SEMA6D: variants seen among roughly 807,000 people sequenced by gnomAD.
SEMA6D encodes semaphorin-6D.
SEMA6D carries 35 observed loss-of-function variants against 106.6 expected under a neutral mutation model. That is an observed-to-expected ratio of 0.33 (90% CI 0.25 to 0.44). The LOEUF (loss-of-function observed/expected upper bound fraction) is 0.44. Among genes scored for constraint, SEMA6D ranks in the 20% least tolerant of loss-of-function variants. SEMA6D has a pLI of 1.00. For missense variants in SEMA6D, 1,185 were observed against 1,345.9 expected, an observed-to-expected ratio of 0.88 and a Z score of 1.87; for synonymous variants, 499 against 487.7, an observed-to-expected ratio of 1.02 and a Z score of -0.31.
At chr15:47,508,474 T>G (rs1013539936) in intron 3 of SEMA6D, among the ~76,000 whole-genome samples, 2 of 152,194 alleles carry the variant, frequency 1.3e-5, no homozygotes, top group African/African-American at 4.8e-5. Flanking sequence ...CTGAAAACCC[T>G]GTGTCCTGCC....
upstream of SEMA6D, chr15:47,717,476 C>T (rs182989013): frequency 4.6e-4 from 71 of 152,692 alleles, no homozygotes; most frequent in Non-Finnish European, 9.4e-4. Flanking sequence ...CACCATTTGC[C>T]GTGCATCGGT....
chr15:47,218,947 T>A (rs2030934183), intron 1 of SEMA6D, among the ~76,000 whole-genome samples: 1 of 152,240 alleles, frequency 6.6e-6, no homozygotes, highest in Admixed American at 6.5e-5. Context: ...ATGTTTCTTC[T>A]GTCGATTGCT....
At chr15:47,666,547 C>G (rs2078029645) in intron 4 of SEMA6D, among the ~76,000 whole-genome samples, 1 of 152,114 alleles carries the variant, frequency 6.6e-6, no homozygotes, top group African/African-American at 2.4e-5. Context: ...TTTCTGAAAC[C>G]AGAGCTGTGT....
At chr15:47,429,229 A>G (rs974633832) in intron 2 of SEMA6D, among the ~76,000 whole-genome samples, 4 of 151,844 alleles carry the variant, frequency 2.6e-5, no homozygotes, top group Non-Finnish European at 5.9e-5. Flanking sequence ...AGGCTGGCCA[A>G]CTCCTGGCTC....
At chr15:47,640,082 G>A (rs2077461665) in intron 4 of SEMA6D, among the ~76,000 whole-genome samples, 1 of 152,168 alleles carries the variant, frequency 6.6e-6, no homozygotes. Context: ...ACTGAATGCA[G>A]GGGTATTTGG....
At chr15:47,290,629 TAC>T (rs5812371) in intron 1 of SEMA6D, among the ~76,000 whole-genome samples, 147,141 of 150,872 alleles carry the variant, frequency 0.98, 71,817 homozygotes, top group Non-Finnish European at 1. Flanking sequence ...TATATATATA[TAC>T]ACACACACAC....
chr15:47,227,014 A>C (rs566125344), intron 1 of SEMA6D, among the ~76,000 whole-genome samples: 1 of 152,168 alleles, frequency 6.6e-6, no homozygotes, highest in South Asian at 2.1e-4. Flanking sequence ...TTTTCCTCCA[A>C]GCTCCTCCTG....
At chr15:47,347,993 C>T (rs1195875693) in intron 1 of SEMA6D, among the ~76,000 whole-genome samples, 1 of 152,130 alleles carries the variant, frequency 6.6e-6, no homozygotes, top group East Asian at 1.9e-4. Context: ...TGGAAGTCTC[C>T]ACTCTTTGCC....
At chr15:47,721,373 C>G (rs1207855640) in intron 1 of SEMA6D, among the ~76,000 whole-genome samples, 1 of 152,124 alleles carries the variant, frequency 6.6e-6, no homozygotes, top group Non-Finnish European at 1.5e-5. Context: ...AGTGAGAGAT[C>G]TCACTTTCTG....
Position 47,742,887 on chromosome 15 carries a change from C to T in SEMA6D, c.-54-16858C>T, listed in dbSNP as rs538721971. On this transcript the variant is annotated intron_variant, in intron 1 of 18. Coordinates refer to ENST00000536845, the MANE Select transcript of SEMA6D (RefSeq NM_001358351.3). ...TCTTTTTTGTCAAAGAGCTGCAGGT[C>T]TCTATAGTGAGAGTAGGTGGGGAAA... 1.1e-4 allele frequency among the ~76,000 whole-genome samples: 16 copies of T among 152,328 alleles called. 1 individual carries two copies. In the South Asian group the frequency reaches 3.3e-3, roughly 32 times the overall value.
chr15:47,672,097 A>G (rs1243965894), intron 4 of SEMA6D, among the ~76,000 whole-genome samples: 1 of 152,184 alleles, frequency 6.6e-6, no homozygotes, highest in East Asian at 1.9e-4. Flanking sequence ...TTCTTATAAT[A>G]TCCCTTTGTG....
At chr15:47,710,390 A>G (rs1321148298) in intron 4 of SEMA6D, among the ~76,000 whole-genome samples, 2 of 152,222 alleles carry the variant, frequency 1.3e-5, no homozygotes, top group African/African-American at 4.8e-5. Context: ...AGTGGGTATT[A>G]TTCATTAGCA....
At chr15:47,336,929 G>A (rs936994696) in intron 1 of SEMA6D, among the ~76,000 whole-genome samples, 1 of 152,124 alleles carries the variant, frequency 6.6e-6, no homozygotes, top group African/African-American at 2.4e-5. Flanking sequence ...CAGTGGGTTG[G>A]ACTGCATCCT....
intron 1 of SEMA6D, among the ~76,000 whole-genome samples, chr15:47,201,808 C>A (rs1238514565): frequency 6.6e-6 from 1 of 152,148 alleles, no homozygotes; most frequent in African/African-American, 2.4e-5. Context: ...GTTGGTCAGA[C>A]CACCAGTTGG....
chr15:47,763,637 G>C (rs2147785225), intron 9 of SEMA6D, among the ~76,000 whole-genome samples: 2 of 152,298 alleles, frequency 1.3e-5, no homozygotes, highest in South Asian at 4.1e-4. Context: ...TCTTGGGAAG[G>C]ATGCTTAGCA....
At chr15:47,756,378 A>G (rs2081740703) in intron 1 of SEMA6D, among the ~76,000 whole-genome samples, 1 of 152,166 alleles carries the variant, frequency 6.6e-6, no homozygotes, top group Admixed American at 6.5e-5. Flanking sequence ...CGTAACCAGA[A>G]TAGACATGAT....
intron 1 of SEMA6D, among the ~76,000 whole-genome samples, chr15:47,192,687 A>C (rs1415222548): frequency 6.6e-6 from 1 of 152,230 alleles, no homozygotes; most frequent in Non-Finnish European, 1.5e-5. Context: ...ATGATTGTAC[A>C]TAGAAATGAC....
chr15:47,223,087 G>A (rs2031347800), intron 1 of SEMA6D, among the ~76,000 whole-genome samples: 2 of 152,112 alleles, frequency 1.3e-5, no homozygotes, highest in African/African-American at 4.8e-5. Context: ...CTCCTGAGAG[G>A]CAGAGCCAGA....
intron 4 of SEMA6D, among the ~76,000 whole-genome samples, chr15:47,656,579 A>G (rs1444754752): frequency 1.3e-5 from 2 of 152,226 alleles, no homozygotes; most frequent in East Asian, 3.8e-4. Context: ...GTCTGTAAGG[A>G]TAACTCTATG....
Sources: allele counts gnomAD v4.1 joint callset (sites outside exome capture counted in the v4.1 genomes callset), GRCh38; gene constraint gnomAD v4.1.1; transcripts MANE v1.5; gene names NCBI Gene and HGNC (gene_info 2026-07-23, HGNC 2026-07-21).